The following GRID1 variants were observed in gnomAD, a reference collection of about 807,000 sequenced individuals.
GRID1 encodes glutamate ionotropic receptor delta type subunit 1, also known as glutamate receptor ionotropic, delta-1.
Under a neutral mutation model 98.0 loss-of-function variants are expected in GRID1, and 28 were observed. The ratio of observed to expected loss-of-function variants is 0.29; its 90% CI spans 0.21 to 0.39. GRID1 has a LOEUF of 0.39. GRID1 is among the 10% of genes least tolerant of loss of function. The probability of loss-of-function intolerance (pLI) is 1.00; values close to 1 mark genes in which losing one functional copy is unlikely to be tolerated. For synonymous variants in GRID1, 553 were observed against 538.5 expected, an observed-to-expected ratio of 1.03 and a Z score of -0.37; for missense variants, 1,111 against 1,340.5, an observed-to-expected ratio of 0.83 and a Z score of 2.67.
intron 12 of GRID1, among the ~76,000 whole-genome samples, chr10:85,670,630 T>C (rs1371341035): frequency 6.6e-6 from 1 of 152,078 alleles, no homozygotes; most frequent in Non-Finnish European, 1.5e-5. Flanking sequence ...AGCCCCCTCA[T>C]CTCAGGCCCT....
chr10:85,863,354 C>T (rs74884993), intron 6 of GRID1, among the ~76,000 whole-genome samples: 2,437 of 152,252 alleles, frequency 0.016, 77 homozygotes, highest in African/African-American at 0.055. Flanking sequence ...GGCTCCCCCC[C>T]TCATCACCTC....
chr10:86,034,145 A>G (rs1225967660), intron 4 of GRID1, among the ~76,000 whole-genome samples: 1 of 152,230 alleles, frequency 6.6e-6, no homozygotes, highest in South Asian at 2.1e-4. Flanking sequence ...AGGTACTTAT[A>G]GATGTGCTAA....
intron 4 of GRID1, among the ~76,000 whole-genome samples, chr10:86,055,515 G>C (rs2131908992): frequency 6.6e-6 from 1 of 152,268 alleles, no homozygotes; most frequent in Middle Eastern, 3.4e-3. Context: ...GGCTGAGGCA[G>C]GTGGACCACT....
In GRID1 at chr10:86,348,344, C is replaced by T. The variant is rs553180073; in HGVS notation, c.235+15597G>A. On this transcript the variant is annotated intron_variant, in intron 2 of 15. Coordinates refer to ENST00000327946, the MANE Select transcript of GRID1 (RefSeq NM_017551.3). ...TGGCATGACAGCAATGAGGCGGCCC[C>T]GGCCCGGGCAGAGGAAGCAGAGCGG... Among the ~76,000 whole-genome samples, 3 of 152,352 alleles carry T rather than the reference C, an allele frequency of 2.0e-5. No individual in the cohort carries two copies. The East Asian group carries it at 5.8e-4, about 29-fold the overall frequency.
At chr10:85,842,151 A>G (rs183625768) in intron 8 of GRID1, among the ~76,000 whole-genome samples, 8 of 152,278 alleles carry the variant, frequency 5.3e-5, no homozygotes, top group African/African-American at 1.9e-4. Flanking sequence ...GCCACAAAAA[A>G]GAACAAGATC....
intron 12 of GRID1, among the ~76,000 whole-genome samples, chr10:85,704,183 A>T (rs1479649518): frequency 6.6e-6 from 1 of 152,202 alleles, no homozygotes; most frequent in Non-Finnish European, 1.5e-5. Context: ...CAAATTGGAT[A>T]AAGAGTCAAG....
chr10:86,343,050 C>A (rs1156781830), intron 2 of GRID1, among the ~76,000 whole-genome samples: 1 of 152,228 alleles, frequency 6.6e-6, no homozygotes, highest in Non-Finnish European at 1.5e-5. Flanking sequence ...AGCAGCCTTT[C>A]AGCCACACGA....
intron 8 of GRID1, among the ~76,000 whole-genome samples, chr10:85,819,464 T>A (rs1427444758): frequency 1.3e-5 from 2 of 152,166 alleles, no homozygotes; most frequent in Admixed American, 6.5e-5. Context: ...CAAAAACTAG[T>A]AACTTTACAT....
chr10:86,218,578 G>A (rs1352169230), intron 2 of GRID1, among the ~76,000 whole-genome samples: 1 of 152,206 alleles, frequency 6.6e-6, no homozygotes, highest in East Asian at 1.9e-4. Flanking sequence ...CGCAGGGTCT[G>A]GAGGCTATGC....
intron 15 of GRID1, among the ~76,000 whole-genome samples, chr10:85,604,943 C>G (rs181086417): frequency 6.6e-6 from 1 of 152,298 alleles, no homozygotes; most frequent in African/African-American, 2.4e-5. Flanking sequence ...TATCAAGAGA[C>G]AGGTTACCTA....
intron 12 of GRID1, among the ~76,000 whole-genome samples, chr10:85,722,115 A>AT (rs1841710000): frequency 6.6e-6 from 1 of 152,162 alleles, no homozygotes; most frequent in Non-Finnish European, 1.5e-5. Context: ...AAGGAGTTTA[A>AT]ACTCTTTTCA....
chr10:85,825,960 C>A (rs1169947616), intron 8 of GRID1, among the ~76,000 whole-genome samples: 2 of 151,854 alleles, frequency 1.3e-5, no homozygotes, highest in Non-Finnish European at 2.9e-5. Flanking sequence ...GATAAAATAA[C>A]AAATAAAAAA....
intron 4 of GRID1, among the ~76,000 whole-genome samples, chr10:86,056,744 G>A (rs1843578200): frequency 6.6e-6 from 1 of 152,230 alleles, no homozygotes; most frequent in Non-Finnish European, 1.5e-5. Flanking sequence ...GCCACGTGGT[G>A]GATCTTATAG....
rs547357114 is a variant in GRID1 at position 85,797,229 on chromosome 10, C to CTT, written c.1233+57265_1233+57266dup. Among the ~76,000 whole-genome samples, 237 of 150,308 alleles carry CTT rather than the reference C, an allele frequency of 1.6e-3. 2 individuals carry two copies. The highest frequency in any genetic ancestry group is 5.3e-3 in the African/African-American group (217 of 40,946). On this transcript the variant is annotated intron_variant, in intron 8 of 15. Coordinates refer to ENST00000327946, the MANE Select transcript of GRID1 (RefSeq NM_017551.3). ...AATTTAAATCAAAATTTCAAATTTCCTTTTTTTTTAATTTCAACTTTTATT... is the reference window on the plus strand; with the variant it reads ...AATTTAAATCAAAATTTCAAATTTCCTTTTTTTTTTTAATTTCAACTTTTATT...
intron 4 of GRID1, among the ~76,000 whole-genome samples, chr10:86,072,159 T>A (rs1843813527): frequency 6.6e-6 from 1 of 152,272 alleles, no homozygotes; most frequent in South Asian, 2.1e-4. Context: ...ATATGTTTTA[T>A]GCAGAGGAAC....
chr10:85,883,773 C>T (rs539490776), intron 5 of GRID1, among the ~76,000 whole-genome samples: 17 of 152,138 alleles, frequency 1.1e-4, no homozygotes, highest in Non-Finnish European at 2.4e-4. Context: ...TTTAAAGACA[C>T]CGTAAATAGT....
At chr10:85,774,948 C>A (rs1471269131) in intron 8 of GRID1, among the ~76,000 whole-genome samples, 3 of 151,572 alleles carry the variant, frequency 2.0e-5, no homozygotes, top group African/African-American at 7.3e-5. Context: ...ACTAGAAATA[C>A]CATTTGACCC....
chr10:86,084,511 T>C (rs1440399815), intron 4 of GRID1, among the ~76,000 whole-genome samples: 1 of 152,198 alleles, frequency 6.6e-6, no homozygotes, highest in African/African-American at 2.4e-5. Flanking sequence ...AAATACCCTA[T>C]GATCTAGCAA....
At chr10:85,772,592 G>C (rs1454437545) in intron 8 of GRID1, among the ~76,000 whole-genome samples, 1 of 152,026 alleles carries the variant, frequency 6.6e-6, no homozygotes, top group Non-Finnish European at 1.5e-5. Context: ...TAATAAAGAA[G>C]AAAAGAGAGA....
Sources: gnomAD v4.1 joint callset for allele counts (sites outside exome capture counted in the v4.1 genomes callset) on GRCh38, gnomAD v4.1.1 for gene constraint, MANE v1.5 for transcripts, NCBI Gene and HGNC (gene_info 2026-07-23, HGNC 2026-07-21) for gene names.